ATP10A: variants seen among roughly 807,000 people sequenced by gnomAD.
The protein encoded by ATP10A is phospholipid-transporting ATPase VA.
Under a neutral mutation model 147.8 loss-of-function variants are expected in ATP10A, and 111 were observed. That is an observed-to-expected ratio of 0.75 (90% CI 0.64 to 0.88). ATP10A has a LOEUF of 0.88. Among genes scored for constraint, ATP10A ranks in the 40% least tolerant of loss-of-function variants. The pLI, the probability that ATP10A is intolerant of heterozygous loss-of-function variation, is 0.00. For synonymous variants in ATP10A, 875 were observed against 841.6 expected, an observed-to-expected ratio of 1.04 and a Z score of -0.69; for missense variants, 1,927 against 1,959.0, an observed-to-expected ratio of 0.98 and a Z score of 0.31.
At chr15:25,718,508 C>T (rs1233303037) in intron 7 of ATP10A, 109 bp from the exon 8 acceptor site, 1 of 1,106,286 alleles carries the variant, frequency 9.0e-7, no homozygotes, top group African/African-American at 1.5e-5. Context: ...AGGGCAGCCC[C>T]ACAGGATTCA....
intron 1 of ATP10A, among the ~76,000 whole-genome samples, chr15:25,798,341 T>C (rs553331073): frequency 1.3e-5 from 2 of 152,308 alleles, no homozygotes; most frequent in South Asian, 4.1e-4. Context: ...AAGCCAGTGC[T>C]GGGAGGCGTG....
intron 10 of ATP10A, chr15:25,709,014 C>G (rs764307180): frequency 6.6e-6 from 1 of 152,238 alleles, no homozygotes; most frequent in Non-Finnish European, 1.5e-5. Flanking sequence ...AAAGAGGACC[C>G]GGTAAGAGAC....
At chr15:25,742,820 G>A (rs140815850) in intron 2 of ATP10A, among the ~76,000 whole-genome samples, 168 of 152,278 alleles carry the variant, frequency 1.1e-3, no homozygotes, top group African/African-American at 4.0e-3. Flanking sequence ...GAACGTATTT[G>A]TACTTAATCC....
rs1182444844 is a variant in ATP10A at position 25,862,446 on chromosome 15, T to C, written c.449+202A>G. 3 of 683,932 alleles carry C rather than the reference T, an allele frequency of 4.4e-6. No individual in the cohort carries two copies. In the East Asian group the frequency reaches 8.2e-5, roughly 19 times the overall value. 42.4% of individuals were successfully genotyped at this position (683,932 alleles called of 1,614,324 possible). ...GCGTCCCCGCATCCAGGGCGCCCCT[T>C]TAGCTGCGGCGGAGGCACAGAGAGG... On this transcript the variant is annotated intron_variant, in intron 1 of 20. Transcript: ENST00000555815.
rs1319244098 is a variant in ATP10A, at chr15:25,718,175, C to T, written c.1581+7G>A. The T allele has an allele frequency of 1.2e-6, 2 of 1,611,854 alleles. No individual in the cohort carries two copies. The highest frequency in any genetic ancestry group is 2.2e-5 in the East Asian group (1 of 44,854). On this transcript the variant is annotated splice_region_variant and intron_variant, in intron 8 of 20. Transcript: ENST00000555815. ...CAGCACCCTAGCAGGAGGCCCTGTA[C>T]ACTCACCATGGGGCTGCTGAAGGCC...
chr15:25,679,288 T>A lies in ATP10A; in HGVS notation c.*53A>T. ...AACTCTTCTGTGCAAATAATAAACA[T>A]AAATAATATTAACATTTATTTATAT... On this transcript the variant is annotated 3_prime_UTR_variant, in exon 21 of 21. Transcript: ENST00000555815. 2 of 1,186,634 alleles carry A rather than the reference T, an allele frequency of 1.7e-6. No homozygotes were observed. The highest frequency in any genetic ancestry group is 2.1e-6 in the Non-Finnish European group (2 of 932,150). 73.5% of individuals were successfully genotyped at this position (1,186,634 alleles called of 1,614,324 possible). A position where few individuals can be genotyped will look rare whatever the true frequency, so the allele number is the denominator to read the frequency against.
chr15:25,784,472 T>C (rs1230865549), intron 1 of ATP10A, among the ~76,000 whole-genome samples: 1 of 152,148 alleles, frequency 6.6e-6, no homozygotes, highest in African/African-American at 2.4e-5. Flanking sequence ...AAATAGAAAC[T>C]TCAGGGGAGG....
intron 1 of ATP10A, chr15:25,862,417 C>G: frequency 1.5e-6 from 1 of 651,544 alleles, no homozygotes; most frequent in South Asian, 1.7e-5. Flanking sequence ...CAGGGGATCC[C>G]CACGCGTCCC....
intron 2 of ATP10A, among the ~76,000 whole-genome samples, chr15:25,767,088 C>T (rs8043046): frequency 0.024 from 3,653 of 152,274 alleles, 73 homozygotes; most frequent in South Asian, 0.052. Context: ...AATCAAATTC[C>T]CTTCTGCCTG....
intron 8 of ATP10A, 92 bp from the exon 9 acceptor site, chr15:25,717,016 A>G (rs1901863445): frequency 1.9e-6 from 2 of 1,069,860 alleles, no homozygotes; most frequent in Admixed American, 3.2e-5. Flanking sequence ...ATTTTATTAT[A>G]AGCTGTAAAC....
In ATP10A at chr15:25,701,954, G is replaced by T. The variant is rs756590397; in HGVS notation, c.2722C>A (p.His908Asn). The change falls in exon 13 of 21, where the codon CAC (histidine) becomes AAC (asparagine). Residue 908 changes from histidine to asparagine, a missense_variant. Physicochemically the swap from His to Asn is moderately conservative, Grantham distance 68. Transcript: ENST00000555815. ...TTCAGGGTGATGACCTCCTCGTCGT[G>T]GTCCAGCAGTTTGCAGGCATATGCA... ...NIAYACKLLD[H>N]DEEVITLNAT... The T allele has an allele frequency of 6.4e-5, 104 of 1,612,464 alleles. No individual in the cohort carries two copies. In the East Asian group the frequency reaches 2.3e-3, roughly 36 times the overall value.
At chr15:25,747,043 T>C (rs1484420891) in intron 2 of ATP10A, among the ~76,000 whole-genome samples, 1 of 152,146 alleles carries the variant, frequency 6.6e-6, no homozygotes, top group East Asian at 1.9e-4. Flanking sequence ...TCCCTACACT[T>C]TGGGAGGCCA....
chr15:25,698,736 T>C (rs1255040571), intron 13 of ATP10A, among the ~76,000 whole-genome samples: 1 of 152,216 alleles, frequency 6.6e-6, no homozygotes, highest in Non-Finnish European at 1.5e-5. Flanking sequence ...TGACTTACAA[T>C]GGTTCAATTT....
intron 1 of ATP10A, among the ~76,000 whole-genome samples, chr15:25,828,001 G>A (rs942351970): frequency 1.8e-4 from 27 of 152,120 alleles, no homozygotes; most frequent in African/African-American, 6.5e-4. Flanking sequence ...AATTGGCTAT[G>A]TTAGTATTAG....
chr15:25,842,385 T>A (rs1892847554), intron 1 of ATP10A, among the ~76,000 whole-genome samples: 2 of 152,172 alleles, frequency 1.3e-5, no homozygotes, highest in Non-Finnish European at 2.9e-5. Context: ...CCCCAGTCAG[T>A]CTGCCTGCTT....
chr15:25,862,584 C>G lies in ATP10A; in HGVS notation c.449+64G>C, dbSNP rs540380827. ...CCCCTGCCAATCACTGTGCCCAACA[C>G]CAAGTTCCCGGGGCGCCCTGCCCTG... On this transcript the variant is annotated intron_variant, in intron 1 of 20. Coordinates refer to ENST00000555815, the MANE Select transcript of ATP10A (RefSeq NM_024490.4). 4 of 1,444,996 alleles carry G rather than the reference C, an allele frequency of 2.8e-6. No homozygotes were observed. In the East Asian group the frequency reaches 9.9e-5, roughly 36 times the overall value. 89.5% of individuals were successfully genotyped at this position (1,444,996 alleles called of 1,614,324 possible).
chr15:25,841,315 C>T (rs1357511241), intron 1 of ATP10A, among the ~76,000 whole-genome samples: 1 of 150,612 alleles, frequency 6.6e-6, no homozygotes, highest in Non-Finnish European at 1.5e-5. Context: ...TAATTGCTCC[C>T]ACACCGTTTA....
At chr15:25,684,865 T>C (rs1046047595) in intron 16 of ATP10A, among the ~76,000 whole-genome samples, 1 of 152,200 alleles carries the variant, frequency 6.6e-6, no homozygotes, top group Non-Finnish European at 1.5e-5. Context: ...ATAGCTTATG[T>C]TGAAATAACC....
At position 25,809,297 on chromosome 15, in the gene ATP10A, G is replaced by T. The variant is rs1207618556; in HGVS notation, c.450-28074C>A. Among the ~76,000 whole-genome samples, 3 of 152,122 alleles carry T rather than the reference G, an allele frequency of 2.0e-5. No individual in the cohort carries two copies. The East Asian group carries it at 5.8e-4, about 29-fold the overall frequency. On this transcript the variant is annotated intron_variant, in intron 1 of 20. Transcript: ENST00000555815. ...GAGAGGAGCATACGTCGGGCGGGGT[G>T]AGACATGACCCAGGCATGCACTCCC...
Sources: allele counts gnomAD v4.1 joint callset (sites outside exome capture counted in the v4.1 genomes callset), GRCh38; gene constraint gnomAD v4.1.1; transcripts MANE v1.5; gene names NCBI Gene and HGNC (gene_info 2026-07-23, HGNC 2026-07-21).